Variants in EFCAB14 observed in about 807,000 individuals in gnomAD.
EFCAB14 encodes EF-hand calcium-binding domain-containing protein 14.
Under a neutral mutation model 56.5 loss-of-function variants are expected in EFCAB14, and 43 were observed. The observed-to-expected ratio is 0.76, with a 90% CI of 0.60 to 0.98. The LOEUF is 0.98. Among genes scored for constraint, EFCAB14 ranks in the 50% least tolerant of loss-of-function variants. EFCAB14 has a pLI of 0.00. For missense variants in EFCAB14, 538 were observed against 580.3 expected, an observed-to-expected ratio of 0.93 and a Z score of 0.75; for synonymous variants, 235 against 212.9, an observed-to-expected ratio of 1.10 and a Z score of -0.90.
At chr1:46,717,604 C>T (rs555207522) in intron 1 of EFCAB14, among the ~76,000 whole-genome samples, 9 of 152,298 alleles carry the variant, frequency 5.9e-5, no homozygotes, top group African/African-American at 2.2e-4. Flanking sequence ...AGCTTCTCTG[C>T]TCCTCTGTCT....
intron 2 of EFCAB14, among the ~76,000 whole-genome samples, chr1:46,710,589 TG>T (rs1677294159): frequency 2.0e-5 from 3 of 152,198 alleles, no homozygotes; most frequent in South Asian, 4.1e-4. Flanking sequence ...ATGAGATCTC[TG>T]TTACCTAGGC....
At chr1:46,692,074 TA>T (rs1246777775) in intron 4 of EFCAB14, 137 bp from the exon 5 acceptor site, 1 of 589,648 alleles carries the variant, frequency 1.7e-6, no homozygotes, top group African/African-American at 1.9e-5. Flanking sequence ...ACAATCAAGA[TA>T]ATAAACACTC....
At chr1:46,694,286 C>A (rs915876592) in intron 4 of EFCAB14, among the ~76,000 whole-genome samples, 1 of 152,168 alleles carries the variant, frequency 6.6e-6, no homozygotes, top group African/African-American at 2.4e-5. Flanking sequence ...TCAGAGTGAA[C>A]AGGCAACCTA....
At chr1:46,687,222 G>C (rs1569691247) in intron 7 of EFCAB14, among the ~76,000 whole-genome samples, 1 of 152,338 alleles carries the variant, frequency 6.6e-6, no homozygotes, top group East Asian at 1.9e-4. Flanking sequence ...TATAAAGTAG[G>C]GGGAGAGGGC....
chr1:46,688,226 G>T, intron 7 of EFCAB14, 127 bp downstream of exon 7: 1 of 865,370 alleles, frequency 1.2e-6, no homozygotes, highest in Non-Finnish European at 1.8e-6. Context: ...CACATTGTGA[G>T]GATTAAGCAC....
intron 8 of EFCAB14, chr1:46,686,543 G>T: frequency 2.0e-6 from 1 of 505,290 alleles, no homozygotes. Context: ...ACCACAATAG[G>T]GGTCACATGT....
At chr1:46,683,874 A>G (rs190999937) in intron 9 of EFCAB14, among the ~76,000 whole-genome samples, 1 of 152,318 alleles carries the variant, frequency 6.6e-6, no homozygotes, top group East Asian at 1.9e-4. Flanking sequence ...ACATTCCACC[A>G]CAGTTCTGTC....
chr1:46,716,364 C>G lies in EFCAB14; in HGVS notation c.265G>C (p.Val89Leu). 1 of 1,612,906 alleles carries G rather than the reference C, an allele frequency of 6.2e-7. No homozygotes were observed. The highest frequency in any genetic ancestry group is 8.5e-7 in the Non-Finnish European group (1 of 1,179,742). Reference sequence around the variant, plus strand: ...GCAACCTGCATCCACACCAAGCCAACACAGGCCACAACACAGGCAGCAAGG... The same window carrying G: ...GCAACCTGCATCCACACCAAGCCAAGACAGGCCACAACACAGGCAGCAAGG... ...VILAACVVAC[V>L]GLVWMQVALK... The change falls in exon 2 of 11, where the codon GTT (valine) becomes CTT (leucine). Residue 89 changes from valine (V) to leucine (L), a missense_variant. Physicochemically the swap from Val to Leu is conservative, Grantham distance 32. Transcript: ENST00000371933.
At chr1:46,704,466 G>C (rs1431630035) in intron 3 of EFCAB14, among the ~76,000 whole-genome samples, 1 of 113,102 alleles carries the variant, frequency 8.8e-6, no homozygotes, top group Non-Finnish European at 1.7e-5. Flanking sequence ...GACACAGTGA[G>C]ATTGTGTCTC....
At chr1:46,678,820 T>TAA (rs10567663) in intron 10 of EFCAB14, among the ~76,000 whole-genome samples, 184 bp from the exon 11 acceptor site, 1 of 132,802 alleles carries the variant, frequency 7.5e-6, no homozygotes, top group Non-Finnish European at 1.6e-5. Context: ...AAAAATATAT[T>TAA]AAAAAAAAAA....
intron 5 of EFCAB14, among the ~76,000 whole-genome samples, chr1:46,690,725 T>C (rs1013143377): frequency 3.9e-5 from 6 of 152,316 alleles, no homozygotes; most frequent in African/African-American, 1.4e-4. Context: ...ACCAAGGGTC[T>C]TGACACCCAG....
intron 3 of EFCAB14, among the ~76,000 whole-genome samples, chr1:46,705,388 ATT>A: frequency 6.6e-6 from 1 of 152,224 alleles, no homozygotes; most frequent in Non-Finnish European, 1.5e-5. Flanking sequence ...AAACTTTCCT[ATT>A]TATAGCAGGT....
chr1:46,679,483 A>G (rs1676753774), intron 10 of EFCAB14, among the ~76,000 whole-genome samples: 1 of 149,614 alleles, frequency 6.7e-6, no homozygotes. Flanking sequence ...TTTAATGTTT[A>G]GTAGAGATGG....
rs200025396 is a variant in EFCAB14, at chr1:46,684,513, C to G, written c.1164G>C (p.Arg388Ser). Residue 388 changes from arginine (R) to serine (S), a missense_variant, in exon 9 of 11, where the codon AGG (arginine) becomes AGC (serine). Arg to Ser is a moderately radical substitution (Grantham distance 110, BLOSUM62 -1). Transcript: ENST00000371933. ...CACCTTCATCGGCGGTCTCTGGAGG[C>G]CTGTTGCTCTCAGGTTTGTTTGTAA... is the stretch of plus-strand genomic sequence containing the variant. The part of the protein sequence containing the change: ...SALTNKPESN[R>S]PPETADEEQV... The G allele has an allele frequency of 6.2e-7, 1 of 1,614,002 alleles. No homozygotes were observed. The highest frequency in any genetic ancestry group is 8.5e-7 in the Non-Finnish European group (1 of 1,179,962).
intron 2 of EFCAB14, among the ~76,000 whole-genome samples, chr1:46,713,638 A>G (rs10789491): frequency 0.8 from 122,365 of 152,082 alleles, 49,397 homozygotes; most frequent in East Asian, 0.91. Flanking sequence ...ATCCCTGGAT[A>G]GGTGAATTGA....
In EFCAB14 at chr1:46,678,420, T is replaced by C. The variant is rs781747690; in HGVS notation, c.*41A>G. The stretch of plus-strand genomic sequence containing the variant: ...AAGGGTTGTTTTGTTGTTAGGTAAA[T>C]AGATATTAGGCAGTCCATTTCTAAA... On this transcript the variant is annotated 3_prime_UTR_variant, in exon 11 of 11. Coordinates refer to ENST00000371933, the MANE Select transcript of EFCAB14 (RefSeq NM_014774.3). 3 of 1,608,516 alleles carry C rather than the reference T, an allele frequency of 1.9e-6. No individual in the cohort carries two copies. The highest frequency in any genetic ancestry group is 1.1e-5 in the South Asian group (1 of 90,664).
At chr1:46,709,966 C>T (rs112992907) in intron 2 of EFCAB14, among the ~76,000 whole-genome samples, 6,308 of 152,066 alleles carry the variant, frequency 0.041, 419 homozygotes, top group African/African-American at 0.14. Flanking sequence ...CCAGCCTGTG[C>T]GGCCGGAGCG....
intron 8 of EFCAB14, 24 bp downstream of exon 8, chr1:46,686,760 C>T: frequency 6.2e-7 from 1 of 1,608,494 alleles, no homozygotes; most frequent in African/African-American, 1.3e-5. Context: ...ACTTTTACTT[C>T]AGGGTAAGCC....
rs770370922 is a variant in EFCAB14, at chr1:46,678,431, C to T, written c.*30G>A. The T allele has an allele frequency of 7.4e-6, 12 of 1,611,824 alleles. No individual in the cohort carries two copies. In the South Asian group the frequency reaches 1.3e-4, roughly 18 times the overall value. ...TGTTGTTAGGTAAATAGATATTAGG[C>T]AGTCCATTTCTAAAATATGCCTGAT... On this transcript the variant is annotated 3_prime_UTR_variant, in exon 11 of 11. Transcript: ENST00000371933.
Sources: allele counts gnomAD v4.1 joint callset (sites outside exome capture counted in the v4.1 genomes callset), GRCh38; gene constraint gnomAD v4.1.1; transcripts MANE v1.5; gene names NCBI Gene and HGNC (gene_info 2026-07-23, HGNC 2026-07-21).